TEX9: variants seen among roughly 807,000 people sequenced by gnomAD.
TEX9 encodes the protein testis-expressed protein 9.
In TEX9, 74 loss-of-function variants were observed where a neutral mutation model predicts 59.6. The observed-to-expected ratio is 1.24, with a 90% CI of 1.03 to 1.51. The LOEUF (loss-of-function observed/expected upper bound fraction) is 1.51, where lower values mean the gene tolerates loss of function less well. TEX9 is among the 40% of genes most tolerant of loss of function. TEX9 has a pLI of 0.00. For missense variants in TEX9, 522 were observed against 447.8 expected (o/e 1.17, Z -1.49); for synonymous variants, 186 against 152.2 (o/e 1.22, Z -1.64).
chr15:56,326,648 G>A (rs1275900350), intron 1 of TEX9, among the ~76,000 whole-genome samples: 1 of 152,140 alleles, frequency 6.6e-6, no homozygotes, highest in Non-Finnish European at 1.5e-5. Context: ...TCCAGCCAAT[G>A]AAAGGTGTGT....
At chr15:56,307,928 C>G (rs1428864557) in intron 1 of TEX9, among the ~76,000 whole-genome samples, 1 of 152,128 alleles carries the variant, frequency 6.6e-6, no homozygotes, top group Non-Finnish European at 1.5e-5. Flanking sequence ...TTTTTATATC[C>G]TAGTAATATT....
At chr15:56,386,319 G>A (rs1365569553) in intron 4 of TEX9, among the ~76,000 whole-genome samples, 2 of 151,690 alleles carry the variant, frequency 1.3e-5, no homozygotes, top group African/African-American at 4.8e-5. Context: ...TTTTTGAGAT[G>A]GTGGAAATAC....
chr15:56,261,716 CA>C (rs1205743303), intron 1 of TEX9, among the ~76,000 whole-genome samples: 166 of 141,734 alleles, frequency 1.2e-3, no homozygotes, highest in Admixed American at 8.4e-4. Flanking sequence ...GAGACTGTCT[CA>C]AAAAAAAAAA....
At chr15:56,244,041 G>A (rs2043773656) in exon 1 of TEX9, 1 of 151,144 alleles carries the variant, frequency 6.6e-6, no homozygotes, top group African/African-American at 2.4e-5. Flanking sequence ...GGGCCGGGAG[G>A]AGTCCGGCCC....
intron 10 of TEX9, among the ~76,000 whole-genome samples, chr15:56,418,984 G>A (rs1323759376): frequency 6.6e-6 from 1 of 151,876 alleles, no homozygotes; most frequent in South Asian, 2.1e-4. Context: ...CTATAGATCA[G>A]TTTTGGGAAA....
intron 3 of TEX9, among the ~76,000 whole-genome samples, chr15:56,373,995 CA>C (rs1203059596): frequency 6.6e-6 from 1 of 151,940 alleles, no homozygotes; most frequent in Admixed American, 6.6e-5. Context: ...TCATATATAA[CA>C]TTTCAAGTAA....
chr15:56,312,018 G>C (rs1194726380), intron 1 of TEX9, among the ~76,000 whole-genome samples: 1 of 151,608 alleles, frequency 6.6e-6, no homozygotes, highest in Non-Finnish European at 1.5e-5. Flanking sequence ...AAATTTGTTT[G>C]AGTTCACTAT....
At chr15:56,401,507 C>T (rs952904505) in intron 9 of TEX9, among the ~76,000 whole-genome samples, 16 of 152,062 alleles carry the variant, frequency 1.1e-4, no homozygotes, top group Admixed American at 5.2e-4. Flanking sequence ...TCCTTAGACA[C>T]CTGCAAAGAG....
At chr15:56,383,468 C>T (rs1357716127) in intron 3 of TEX9, among the ~76,000 whole-genome samples, 1 of 152,214 alleles carries the variant, frequency 6.6e-6, no homozygotes, top group Non-Finnish European at 1.5e-5. Flanking sequence ...CTATTCCACC[C>T]TCTTGCCTCA....
chr15:56,392,348 G>T (rs1201323061), intron 7 of TEX9, among the ~76,000 whole-genome samples: 3 of 152,170 alleles, frequency 2.0e-5, no homozygotes, highest in Non-Finnish European at 4.4e-5. Flanking sequence ...CAAACAGGGA[G>T]TGAGGCATCT....
intron 12 of TEX9, among the ~76,000 whole-genome samples, chr15:56,436,282 A>G (rs1226863838): frequency 2.0e-4 from 30 of 152,338 alleles, no homozygotes; most frequent in African/African-American, 6.7e-4. Flanking sequence ...CAATCAAACT[A>G]GAACTCAGGA....
chr15:56,318,947 A>G (rs1247883912), intron 1 of TEX9, among the ~76,000 whole-genome samples: 2 of 152,164 alleles, frequency 1.3e-5, no homozygotes, highest in Non-Finnish European at 1.5e-5. Flanking sequence ...ACTCTACGCT[A>G]TTACAACCCT....
At chr15:56,360,064 G>T (rs2046762830) in intron 1 of TEX9, among the ~76,000 whole-genome samples, 1 of 151,996 alleles carries the variant, frequency 6.6e-6, no homozygotes, top group African/African-American at 2.4e-5. Context: ...AACCATCCTT[G>T]TATACTGAGA....
chr15:56,382,653 T>A (rs2047782447), intron 3 of TEX9, among the ~76,000 whole-genome samples: 1 of 152,160 alleles, frequency 6.6e-6, no homozygotes, highest in South Asian at 2.1e-4. Flanking sequence ...TCTAGAAATG[T>A]CATTTAGGAG....
At chr15:56,313,062 T>C (rs1372194897) in intron 1 of TEX9, among the ~76,000 whole-genome samples, 1 of 147,668 alleles carries the variant, frequency 6.8e-6, no homozygotes, top group Non-Finnish European at 1.5e-5. Context: ...CAATGGGGTT[T>C]TCTAGATATA....
chr15:56,302,187 A>T (rs1291353472), intron 1 of TEX9, among the ~76,000 whole-genome samples: 1 of 152,142 alleles, frequency 6.6e-6, no homozygotes, highest in Non-Finnish European at 1.5e-5. Context: ...GGTAACTTCA[A>T]ATCAAAAAAC....
intron 1 of TEX9, among the ~76,000 whole-genome samples, chr15:56,271,753 A>C (rs892281866): frequency 6.6e-6 from 1 of 152,206 alleles, no homozygotes; most frequent in Non-Finnish European, 1.5e-5. Context: ...ATTTAAAGTA[A>C]GTTTCTTGTA....
chr15:56,348,715 G>C (rs537200864), intron 1 of TEX9, among the ~76,000 whole-genome samples: 5 of 152,076 alleles, frequency 3.3e-5, no homozygotes, highest in Admixed American at 3.3e-4. Flanking sequence ...TGTGGGCATG[G>C]CTTCTTTCCT....
At chr15:56,448,420 G>C (rs795797), downstream of TEX9, among the ~76,000 whole-genome samples, 247 of 151,998 alleles carry the variant, frequency 1.6e-3, 1 homozygote, top group African/African-American at 5.7e-3. Flanking sequence ...CACAGTGTCT[G>C]TTGTTCCCAT....
Sources: gnomAD v4.1 joint callset for allele counts (sites outside exome capture counted in the v4.1 genomes callset) on GRCh38, gnomAD v4.1.1 for gene constraint, MANE v1.5 for transcripts, NCBI Gene and HGNC (gene_info 2026-07-23, HGNC 2026-07-21) for gene names.